The following STARD9 variants were observed in gnomAD, a reference collection of about 807,000 sequenced individuals.
STARD9 encodes StAR related lipid transfer domain containing 9, also known as stAR-related lipid transfer protein 9.
In STARD9, 346 loss-of-function variants were observed where a neutral mutation model predicts 399.8. The ratio of observed to expected loss-of-function variants is 0.87; its 90% confidence interval spans 0.79 to 0.95. The LOEUF (loss-of-function observed/expected upper bound fraction) is 0.95. Ranked by LOEUF, STARD9 falls within the 40% of genes least tolerant of loss-of-function variation. STARD9 has a pLI of 0.00. For missense variants in STARD9, 5,832 were observed against 5,667.5 expected, an observed-to-expected ratio of 1.03 and a Z score of -0.93; for synonymous variants, 2,203 against 2,143.5, an observed-to-expected ratio of 1.03 and a Z score of -0.77.
In STARD9 at chr15:42,669,187, G is replaced by T. The variant is rs570820098; in HGVS notation, c.1347G>T (p.Gln449His). 6.5e-7 allele frequency: 1 copy of T among 1,535,954 alleles called. No individual in the cohort carries two copies. Among genetic ancestry groups the T allele is most frequent in the Non-Finnish European group, 8.7e-7 (1 of 1,145,936 alleles). Residue 449 changes from glutamine to histidine, a missense_variant, in exon 16 of 33, where the codon CAG becomes CAT. Physicochemically the swap from Gln to His is conservative, Grantham distance 24. Transcript: ENST00000290607. ...KIDQLTKDWT[Q>H]KWNDWQALME... ...ACCAGCTGACTAAAGACTGGACCCA[G>T]AAGTGGAATGATTGGCAGGCCCTCA...
rs1436569184 is a variant in STARD9 at position 42,692,618 on chromosome 15, G to C, written c.11040G>C (p.Leu3680=). The C allele has an allele frequency of 6.5e-7, 1 of 1,537,050 alleles. No homozygotes were observed. The highest frequency in any genetic ancestry group is 1.4e-5 in the African/African-American group (1 of 73,016). The change falls in exon 23 of 33, where the codon CTG becomes CTC. Residue 3680 remains leucine, a synonymous_variant. Coordinates refer to ENST00000290607, the MANE Select transcript of STARD9 (RefSeq NM_020759.3). ...CCTCATGGACCAGCATGCACAATCTGTCTCTCCACCTCTCACAGCTCCTGC... is the reference window on the plus strand; with the variant it reads ...CCTCATGGACCAGCATGCACAATCTCTCTCTCCACCTCTCACAGCTCCTGC... The part of the protein sequence containing the change: ...DLASWTSMHN[L]SLHLSQLLHS...
intron 3 of STARD9, among the ~76,000 whole-genome samples, chr15:42,614,258 C>T (rs969364803): frequency 6.6e-6 from 1 of 151,474 alleles, no homozygotes; most frequent in East Asian, 1.9e-4. Context: ...TTGCAGTGAG[C>T]CAAGATCGTG....
At chr15:42,639,713 G>A (rs2059495226) in intron 7 of STARD9, among the ~76,000 whole-genome samples, 1 of 151,872 alleles carries the variant, frequency 6.6e-6, no homozygotes, top group Non-Finnish European at 1.5e-5. Context: ...AAATACAAAA[G>A]ATTAGCTGGG....
intron 22 of STARD9, among the ~76,000 whole-genome samples, chr15:42,683,232 G>A (rs898205037): frequency 6.6e-6 from 1 of 152,156 alleles, no homozygotes; most frequent in African/African-American, 2.4e-5. Context: ...TGTTGTGTTT[G>A]CTCACCTCTC....
intron 3 of STARD9, among the ~76,000 whole-genome samples, chr15:42,611,672 G>A (rs537317862): frequency 4.9e-4 from 74 of 152,290 alleles, no homozygotes; most frequent in Middle Eastern, 3.4e-3. Context: ...CTGCTCTTCA[G>A]TGTGTCTACT....
At chr15:42,620,817 C>T (rs1032286628) in intron 3 of STARD9, among the ~76,000 whole-genome samples, 2 of 151,686 alleles carry the variant, frequency 1.3e-5, no homozygotes, top group African/African-American at 4.8e-5. Context: ...TGCAGTGGCA[C>T]AATCTTGGCT....
chr15:42,665,716 A>C, intron 14 of STARD9, 70 bp from the exon 15 acceptor site: 1 of 1,242,570 alleles, frequency 8.0e-7, no homozygotes, highest in South Asian at 1.3e-5. Flanking sequence ...CTCCTCCACA[A>C]GTGTAAGGGT....
intron 7 of STARD9, among the ~76,000 whole-genome samples, chr15:42,644,187 T>G (rs575508921): frequency 3.5e-4 from 53 of 152,356 alleles, no homozygotes; most frequent in African/African-American, 1.1e-3. Flanking sequence ...CGAAGTAGCA[T>G]TATGTATTAA....
intron 26 of STARD9, 33 bp downstream of exon 26, chr15:42,695,913 G>T (rs755166909): frequency 4.6e-6 from 7 of 1,525,038 alleles, no homozygotes; most frequent in East Asian, 2.5e-5. Flanking sequence ...TGAGCCAGGG[G>T]CCTGGACTGC....
At chr15:42,611,559 C>T (rs1404953544) in intron 3 of STARD9, among the ~76,000 whole-genome samples, 1 of 152,162 alleles carries the variant, frequency 6.6e-6, no homozygotes, top group Non-Finnish European at 1.5e-5. Flanking sequence ...GATAAAGACT[C>T]CCTCAACCTT....
intron 28 of STARD9, among the ~76,000 whole-genome samples, chr15:42,717,444 G>T (rs143805766): frequency 6.6e-6 from 1 of 151,930 alleles, no homozygotes; most frequent in South Asian, 2.1e-4. Flanking sequence ...GCAACATGGT[G>T]AGACCCTGTC....
Position 42,663,580 on chromosome 15 carries a change from C to T in STARD9, c.1078+90C>T. 9.5e-6 allele frequency: 6 copies of T among 632,970 alleles called. No homozygotes were observed. The South Asian group carries it at 9.7e-5, about 10-fold the overall frequency. 39.2% of individuals were successfully genotyped at this position (632,970 alleles called of 1,614,324 possible). ...GGCCCCAGTGAGTGGGATGCCAGAG[C>T]TGGATCTGTGTTGGGACTGGTACTC... On this transcript the variant is annotated intron_variant, in intron 12 of 32. Transcript: ENST00000290607.
chr15:42,625,622 G>T (rs1314418221), intron 3 of STARD9, among the ~76,000 whole-genome samples: 1 of 148,858 alleles, frequency 6.7e-6, no homozygotes, highest in Non-Finnish European at 1.5e-5. Context: ...GAGCCACCAT[G>T]CCTGGCTGCT....
intron 16 of STARD9, chr15:42,671,844 G>A (rs2060209960): frequency 6.6e-6 from 1 of 152,194 alleles, no homozygotes; most frequent in Admixed American, 6.5e-5. Context: ...GATTCACCAT[G>A]TTGGCCAGGC....
intron 3 of STARD9, among the ~76,000 whole-genome samples, chr15:42,616,928 G>T (rs913868971): frequency 1.3e-5 from 2 of 150,904 alleles, no homozygotes; most frequent in African/African-American, 4.9e-5. Context: ...GAAAGTTAGA[G>T]AATAACAGTA....
rs954376840 is a variant in STARD9 at position 42,575,662 on chromosome 15, G to A, written c.-54G>A. On this transcript the variant is annotated 5_prime_UTR_variant, in exon 1 of 33. Coordinates refer to ENST00000290607, the MANE Select transcript of STARD9 (RefSeq NM_020759.3). The stretch of plus-strand genomic sequence containing the variant: ...GGGCTGTGTCTGGGCTTAGGGCGGG[G>A]GCCTGGGATGCTGCCGCTGAGCTGA... 4 of 1,527,772 alleles carry A rather than the reference G, an allele frequency of 2.6e-6. No homozygotes were observed. Among genetic ancestry groups the A allele is most frequent in the African/African-American group, 2.7e-5 (2 of 72,812 alleles). 94.6% of individuals were successfully genotyped at this position (1,527,772 alleles called of 1,614,324 possible).
chr15:42,685,958 T>C lies in STARD9; in HGVS notation c.4380T>C (p.Ser1460=). 6.5e-7 allele frequency: 1 copy of C among 1,537,234 alleles called. No individual in the cohort carries two copies. The highest frequency in any genetic ancestry group is 1.2e-5 in the South Asian group (1 of 84,064). Residue 1460 remains serine, a synonymous_variant, in exon 23 of 33, where the codon TCT becomes TCC. Coordinates refer to ENST00000290607, the MANE Select transcript of STARD9 (RefSeq NM_020759.3). ...GCAGCTCTGAAGCATCCCACAATTCTAGCGTATCAAACGTGCTGGCTGCCT... is the reference window on the plus strand; with the variant it reads ...GCAGCTCTGAAGCATCCCACAATTCCAGCGTATCAAACGTGCTGGCTGCCT... ...QQGSSEASHN[S]SVSNVLAASA...
intron 9 of STARD9, among the ~76,000 whole-genome samples, chr15:42,654,532 C>G (rs1371522160): frequency 6.6e-6 from 1 of 152,082 alleles, no homozygotes; most frequent in Non-Finnish European, 1.5e-5. Flanking sequence ...CTAGAAAACC[C>G]TAAAGACTTA....
chr15:42,598,915 T>G (rs1193523779), intron 3 of STARD9, among the ~76,000 whole-genome samples: 5 of 152,134 alleles, frequency 3.3e-5, no homozygotes, highest in Admixed American at 1.3e-4. Flanking sequence ...CTCTGTTTTT[T>G]TTGTTGTTGT....
Sources: gnomAD v4.1 joint callset for allele counts (sites outside exome capture counted in the v4.1 genomes callset) on GRCh38, gnomAD v4.1.1 for gene constraint, MANE v1.5 for transcripts, NCBI Gene and HGNC (gene_info 2026-07-23, HGNC 2026-07-21) for gene names.